CDH13: variants seen among roughly 807,000 people sequenced by gnomAD.
CDH13 encodes the protein cadherin-13.
A neutral mutation model predicts 63.8 loss-of-function variants in CDH13; 24 were observed. That is an observed-to-expected ratio of 0.38 (90% CI 0.27 to 0.53). CDH13 has a LOEUF of 0.53. Ranked by LOEUF, CDH13 falls within the 20% of genes least tolerant of loss-of-function variation. The pLI, the probability that CDH13 is intolerant of heterozygous loss-of-function variation, is 0.85. For missense variants in CDH13, 1,049 were observed against 903.1 expected, an observed-to-expected ratio of 1.16 and a Z score of -2.07; for synonymous variants, 503 against 355.3, an observed-to-expected ratio of 1.42 and a Z score of -4.67.
intron 5 of CDH13, among the ~76,000 whole-genome samples, chr16:83,226,803 G>A (rs1042705420): frequency 1.3e-5 from 2 of 152,188 alleles, no homozygotes; most frequent in African/African-American, 4.8e-5. Context: ...GCTATGACGA[G>A]CATTGTGAGT....
In CDH13 at chr16:82,930,499, C is replaced by T. The variant is rs140248391; in HGVS notation, c.157+72026C>T. On this transcript the variant is annotated intron_variant, in intron 2 of 13. Transcript: ENST00000567109. ...TTGAAGTAACTTTATGGTTTGTATA[C>T]GGATGCCAAATATAGATACATATCT... 4.0e-3 allele frequency among the ~76,000 whole-genome samples: 612 copies of T among 152,076 alleles called. 2 individuals are homozygous for T. The highest frequency in any genetic ancestry group is 0.013 in the South Asian group (61 of 4,812).
rs932312527 is a variant in CDH13, at chr16:83,505,550, T to G, written c.960+18895T>G. On this transcript the variant is annotated intron_variant, in intron 7 of 13. Transcript: ENST00000567109. ...TTAATCCTTTTTTTTTTTTTTTTTT[T>G]TTTTTTTTTGAGAAGGAGTTTTTGC... Among the ~76,000 whole-genome samples, 90 of 148,488 alleles carry G rather than the reference T, an allele frequency of 6.1e-4. 1 individual carries two copies. The highest frequency in any genetic ancestry group is 2.1e-3 in the African/African-American group (85 of 40,036).
At chr16:83,624,293 A>G (rs748042502) in intron 8 of CDH13, among the ~76,000 whole-genome samples, 13 of 148,676 alleles carry the variant, frequency 8.7e-5, no homozygotes, top group Non-Finnish European at 1.9e-4. Flanking sequence ...GGGTCACAGT[A>G]CCCCCTCAGA....
In CDH13 at chr16:83,602,446, C is replaced by G. The variant is rs763517991; in HGVS notation, c.961-8C>G. ...GTCATATTATTTCTTTGTGCTTGTG[C>G]TTTGTAGACTCTGGAAAATCCCAAG... On this transcript the variant is annotated splice_polypyrimidine_tract_variant and splice_region_variant and intron_variant, in intron 7 of 13. Coordinates refer to ENST00000567109, the MANE Select transcript of CDH13 (RefSeq NM_001257.5). 6.4e-5 allele frequency: 103 copies of G among 1,613,716 alleles called. No homozygotes were observed. Among genetic ancestry groups the G allele is most frequent in the Non-Finnish European group, 8.7e-5 (103 of 1,179,744 alleles).
chr16:83,181,287 G>C (rs569315408), intron 4 of CDH13, among the ~76,000 whole-genome samples: 2 of 152,306 alleles, frequency 1.3e-5, no homozygotes, highest in South Asian at 2.1e-4. Flanking sequence ...AGGGGAGTTT[G>C]TTCACAGAAT....
At chr16:83,545,748 C>T (rs1348704240) in intron 7 of CDH13, among the ~76,000 whole-genome samples, 2 of 152,204 alleles carry the variant, frequency 1.3e-5, no homozygotes, top group Non-Finnish European at 2.9e-5. Flanking sequence ...AAGCCCTCCT[C>T]ATCTGCCCAC....
chr16:82,674,218 C>T (rs375124087), intron 1 of CDH13, among the ~76,000 whole-genome samples: 122 of 152,328 alleles, frequency 8.0e-4, no homozygotes, highest in African/African-American at 2.8e-3. Flanking sequence ...GCCCTTCCTG[C>T]ATTGGCCTAT....
intron 7 of CDH13, among the ~76,000 whole-genome samples, chr16:83,518,513 C>T (rs1299372952): frequency 6.8e-6 from 1 of 147,712 alleles, no homozygotes; most frequent in Non-Finnish European, 1.5e-5. Flanking sequence ...GGCTCTGTCT[C>T]CCAGGCTGGA....
At chr16:83,317,615 A>C (rs959995032) in intron 5 of CDH13, among the ~76,000 whole-genome samples, 1 of 152,134 alleles carries the variant, frequency 6.6e-6, no homozygotes, top group African/African-American at 2.4e-5. Flanking sequence ...AGCCTGACCA[A>C]CATGGTGAAA....
At position 83,058,994 on chromosome 16, in the gene CDH13, A is replaced by G. The variant is rs137910918; in HGVS notation, c.366+26776A>G. On this transcript the variant is annotated intron_variant, in intron 3 of 13. Coordinates refer to ENST00000567109, the MANE Select transcript of CDH13 (RefSeq NM_001257.5). ...AAGATGGATGTCCCGGTTTTACTGT[A>G]TCTGCCTTAGTTGGAGATTCCCGGG... is the stretch of plus-strand genomic sequence containing the variant. Among the ~76,000 whole-genome samples the G allele has an allele frequency of 5.9e-4, 90 of 152,302 alleles. 1 individual carries two copies. The Middle Eastern group carries it at 0.01, about 17-fold the overall frequency.
At chr16:83,251,448 G>C (rs1028596375) in intron 5 of CDH13, among the ~76,000 whole-genome samples, 2 of 152,186 alleles carry the variant, frequency 1.3e-5, no homozygotes, top group Non-Finnish European at 2.9e-5. Context: ...TTACCCAGCT[G>C]GTAAGTGGTG....
intron 4 of CDH13, among the ~76,000 whole-genome samples, chr16:83,192,233 G>A (rs186647824): frequency 3.3e-5 from 5 of 152,254 alleles, no homozygotes; most frequent in Non-Finnish European, 4.4e-5. Flanking sequence ...AATGGTGGCC[G>A]CTTCTGTAAA....
intron 3 of CDH13, among the ~76,000 whole-genome samples, chr16:83,112,910 C>G (rs571690706): frequency 6.6e-6 from 1 of 152,122 alleles, no homozygotes; most frequent in South Asian, 2.1e-4. Context: ...AACTTTAAGA[C>G]CGGCTTATAA....
intron 7 of CDH13, among the ~76,000 whole-genome samples, chr16:83,593,965 C>T (rs1003168601): frequency 2.0e-5 from 3 of 152,188 alleles, no homozygotes; most frequent in African/African-American, 7.2e-5. Context: ...AGACAAGAAG[C>T]ACTGATTATC....
At chr16:82,953,763 A>G (rs1222622664) in intron 2 of CDH13, 1 of 152,186 alleles carries the variant, frequency 6.6e-6, no homozygotes, top group Non-Finnish European at 1.5e-5. Context: ...TGTCTCACAT[A>G]TGTAGGAAAG....
chr16:83,778,008 G>A (rs1049433869), intron 11 of CDH13, among the ~76,000 whole-genome samples: 13 of 152,170 alleles, frequency 8.5e-5, no homozygotes, highest in African/African-American at 2.9e-4. Context: ...AAATTATGGT[G>A]CTGTAATTTT....
intron 4 of CDH13, among the ~76,000 whole-genome samples, chr16:83,210,385 G>A (rs1414840026): frequency 6.6e-6 from 1 of 151,912 alleles, no homozygotes; most frequent in Admixed American, 6.6e-5. Flanking sequence ...TTTCATATGG[G>A]TACTGCCCCA....
intron 2 of CDH13, among the ~76,000 whole-genome samples, chr16:82,930,268 C>G (rs115710036): frequency 2.0e-5 from 3 of 152,006 alleles, no homozygotes; most frequent in Admixed American, 6.6e-5. Context: ...TGAGCCGCTA[C>G]GTCCGGCCTG....
At chr16:82,822,182 A>C (rs1258147936) in intron 1 of CDH13, among the ~76,000 whole-genome samples, 1 of 152,212 alleles carries the variant, frequency 6.6e-6, no homozygotes, top group African/African-American at 2.4e-5. Flanking sequence ...TAATACAGCA[A>C]TATATGCAAT....
Sources: gnomAD v4.1 joint callset for allele counts (sites outside exome capture counted in the v4.1 genomes callset) on GRCh38, gnomAD v4.1.1 for gene constraint, MANE v1.5 for transcripts, NCBI Gene and HGNC (gene_info 2026-07-23, HGNC 2026-07-21) for gene names.